Variants in NEGR1 observed in about 807,000 individuals in gnomAD.
NEGR1 encodes IgLON family member 4.
In NEGR1, 10 loss-of-function variants were observed where a neutral mutation model predicts 40.9. The observed-to-expected ratio is 0.24, with a 90% CI of 0.15 to 0.42. The LOEUF is 0.42. Ranked by LOEUF, NEGR1 falls within the 10% of genes least tolerant of loss-of-function variation. NEGR1 has a pLI of 1.00. For synonymous variants in NEGR1, 185 were observed against 166.8 expected (o/e 1.11, Z -0.84); for missense variants, 352 against 438.9 (o/e 0.80, Z 1.77).
chr1:71,824,665 C>G (rs1372157892), intron 2 of NEGR1, among the ~76,000 whole-genome samples: 1 of 151,936 alleles, frequency 6.6e-6, no homozygotes, highest in Non-Finnish European at 1.5e-5. Context: ...GTGCCCCTTT[C>G]TAGTCAGTCT....
At chr1:71,947,089 TACACACACACACAC>T (rs3078155) in intron 1 of NEGR1, among the ~76,000 whole-genome samples, 91 of 129,150 alleles carry the variant, frequency 7.0e-4, no homozygotes, top group African/African-American at 2.3e-3. Context: ...TCCTGTCTCA[TACACACACACACAC>T]ACACACACAC....
intron 6 of NEGR1, among the ~76,000 whole-genome samples, chr1:71,417,345 G>C (rs1453510744): frequency 1.3e-5 from 2 of 151,622 alleles, no homozygotes; most frequent in African/African-American, 2.4e-5. Context: ...TTCTGCATTG[G>C]GATGAGGTTT....
chr1:71,417,403 T>A (rs1309683762), intron 6 of NEGR1, among the ~76,000 whole-genome samples: 2 of 152,208 alleles, frequency 1.3e-5, no homozygotes, highest in Non-Finnish European at 2.9e-5. Context: ...ATATTATCAA[T>A]CAAGAATTCA....
intron 1 of NEGR1, among the ~76,000 whole-genome samples, chr1:72,129,979 C>G (rs1461367551): frequency 6.6e-6 from 1 of 152,050 alleles, no homozygotes; most frequent in African/African-American, 2.4e-5. Context: ...AGAGTTTCAC[C>G]CCCTAGATAC....
intron 2 of NEGR1, among the ~76,000 whole-genome samples, chr1:71,776,566 T>C (rs1656517819): frequency 6.6e-6 from 1 of 152,194 alleles, no homozygotes; most frequent in Admixed American, 6.5e-5. Context: ...TGATTAAATA[T>C]GTATTATGAG....
chr1:71,943,161 TAAC>T (rs1199469307), intron 1 of NEGR1, among the ~76,000 whole-genome samples: 2 of 114,584 alleles, frequency 1.7e-5, no homozygotes, highest in African/African-American at 3.3e-5. Context: ...AAAACAAACT[TAAC>T]TATACATATA....
intron 1 of NEGR1, among the ~76,000 whole-genome samples, chr1:72,112,485 G>T (rs994055378): frequency 6.6e-6 from 1 of 150,942 alleles, no homozygotes. Context: ...ATCTCAAATT[G>T]TTCTGAAACA....
chr1:72,077,655 A>T (rs1486108), intron 1 of NEGR1, among the ~76,000 whole-genome samples: 65,380 of 150,860 alleles, frequency 0.43, 14,651 homozygotes, highest in Admixed American at 0.49. Context: ...TAAATAAATA[A>T]ATAAATAAAT....
Position 71,779,774 on chromosome 1 carries a change from G to A in NEGR1, c.410-3477C>T, listed in dbSNP as rs531196594. 2.0e-5 allele frequency among the ~76,000 whole-genome samples: 3 copies of A among 151,858 alleles called. No homozygotes were observed. The East Asian group carries it at 5.8e-4, about 30-fold the overall frequency. On this transcript the variant is annotated intron_variant, in intron 2 of 6. Transcript: ENST00000357731. ...AATAGAGATGGGGTTTTGCCACATT[G>A]GCCAGGCTGCTCTCGAACTCCTGAC...
intron 6 of NEGR1, among the ~76,000 whole-genome samples, chr1:71,501,784 A>G (rs1438901147): frequency 6.6e-6 from 1 of 152,246 alleles, no homozygotes; most frequent in Non-Finnish European, 1.5e-5. Flanking sequence ...AAAAATATGT[A>G]AAGCTCTTTT....
chr1:71,987,449 G>A (rs1362341080), intron 1 of NEGR1, among the ~76,000 whole-genome samples: 7 of 152,160 alleles, frequency 4.6e-5, no homozygotes, highest in Non-Finnish European at 1.0e-4. Flanking sequence ...GGGAGACAGT[G>A]CAGATATAAG....
intron 1 of NEGR1, among the ~76,000 whole-genome samples, chr1:72,047,350 T>G (rs1246778659): frequency 6.6e-6 from 1 of 151,388 alleles, no homozygotes; most frequent in Non-Finnish European, 1.5e-5. Flanking sequence ...AGAAATAGAG[T>G]TAAAATCCAA....
intron 3 of NEGR1, among the ~76,000 whole-genome samples, chr1:71,746,103 G>T (rs1329751254): frequency 6.6e-6 from 1 of 151,972 alleles, no homozygotes; most frequent in African/African-American, 2.4e-5. Flanking sequence ...CTTATCTTTG[G>T]ATCTTCATTC....
intron 3 of NEGR1, among the ~76,000 whole-genome samples, chr1:71,733,072 C>CT (rs1157020972): frequency 0.1 from 14,320 of 140,362 alleles, 947 homozygotes; most frequent in African/African-American, 0.19. Flanking sequence ...CAGGATAGCT[C>CT]TTTTTTTTTT....
chr1:72,040,639 C>T (rs1646945223), intron 1 of NEGR1, among the ~76,000 whole-genome samples: 1 of 136,150 alleles, frequency 7.3e-6, no homozygotes. Flanking sequence ...CAACTGGGAA[C>T]CTTACTGAAA....
intron 1 of NEGR1, among the ~76,000 whole-genome samples, chr1:72,036,520 G>T (rs1646904251): frequency 6.6e-6 from 1 of 151,822 alleles, no homozygotes; most frequent in Non-Finnish European, 1.5e-5. Flanking sequence ...GCTGGGCATG[G>T]TGGTGCGCGC....
intron 1 of NEGR1, among the ~76,000 whole-genome samples, chr1:72,115,002 T>C (rs557678363): frequency 1.3e-5 from 2 of 151,816 alleles, no homozygotes; most frequent in East Asian, 1.9e-4. Context: ...ATGGGATCCA[T>C]TGAATCTTGA....
intron 3 of NEGR1, among the ~76,000 whole-genome samples, chr1:71,716,966 C>T (rs1380473493): frequency 1.3e-5 from 2 of 152,174 alleles, no homozygotes; most frequent in African/African-American, 4.8e-5. Flanking sequence ...CCATCCAACA[C>T]ACACACCTTG....
intron 1 of NEGR1, among the ~76,000 whole-genome samples, chr1:72,151,093 C>T (rs1001642920): frequency 6.6e-6 from 1 of 151,754 alleles, no homozygotes; most frequent in Non-Finnish European, 1.5e-5. Flanking sequence ...ATAATTTTAA[C>T]AAATTTCGAG....
Sources: gnomAD v4.1 joint callset for allele counts (sites outside exome capture counted in the v4.1 genomes callset) on GRCh38, gnomAD v4.1.1 for gene constraint, MANE v1.5 for transcripts, NCBI Gene and HGNC (gene_info 2026-07-23, HGNC 2026-07-21) for gene names.